Variants in FER1L6 observed in about 807,000 individuals in gnomAD.
FER1L6 encodes fer-1 like family member 6.
Under a neutral mutation model 219.2 loss-of-function variants are expected in FER1L6, and 177 were observed. The ratio of observed to expected loss-of-function variants is 0.81; its 90% CI spans 0.71 to 0.91. The LOEUF is 0.91. Among genes scored for constraint, FER1L6 ranks in the 40% least tolerant of loss-of-function variants. FER1L6 has a pLI of 0.00. For synonymous variants in FER1L6, 768 were observed against 824.3 expected, an observed-to-expected ratio of 0.93 and a Z score of 1.17; for missense variants, 2,153 against 2,259.9, an observed-to-expected ratio of 0.95 and a Z score of 0.96.
At chr8:123,955,194 G>A (rs192632422) in intron 1 of FER1L6, among the ~76,000 whole-genome samples, 21 of 152,236 alleles carry the variant, frequency 1.4e-4, no homozygotes, top group East Asian at 7.7e-4. Flanking sequence ...GCTTGAACCC[G>A]GGAGGTGGAG....
chr8:124,099,996 A>C (rs1432068483), intron 37 of FER1L6, among the ~76,000 whole-genome samples: 2 of 151,212 alleles, frequency 1.3e-5, no homozygotes, highest in Admixed American at 6.6e-5. Flanking sequence ...GCTCCCTAAC[A>C]CTCCCCTGGC....
In FER1L6 at chr8:124,060,265, C is replaced by A. The variant is rs765039191; in HGVS notation, c.2960C>A (p.Pro987Gln). 6.2e-7 allele frequency: 1 copy of A among 1,614,124 alleles called. No individual in the cohort carries two copies. Among genetic ancestry groups the A allele is most frequent in the Non-Finnish European group, 8.5e-7 (1 of 1,180,016 alleles). ...QIYPVPANIR[P>Q]VLSKYRVEVL... ...TACCCGGTTCCTGCCAACATTCGGC[C>A]GGTGCTGAGCAAATACCGAGTGGAG... The change falls in exon 23 of 41, where the codon CCG (proline) becomes CAG (glutamine). Residue 987 changes from proline (P) to glutamine (Q), a missense_variant. By Grantham distance (76) the Pro-to-Gln change is moderately conservative (BLOSUM62 -1). Transcript: ENST00000522917.
intron 1 of FER1L6, among the ~76,000 whole-genome samples, chr8:123,856,316 G>GTGTATGTATATA (rs71576706): frequency 2.2e-5 from 1 of 45,112 alleles, no homozygotes; most frequent in African/African-American, 8.7e-5. Flanking sequence ...ATATGTATGT[G>GTGTATGTATATA]TATATATATA....
intron 32 of FER1L6, among the ~76,000 whole-genome samples, chr8:124,080,793 C>A (rs141850129): frequency 4.1e-4 from 63 of 152,266 alleles, no homozygotes; most frequent in African/African-American, 1.4e-3. Context: ...CTCAGGGGCA[C>A]ATGGCTGGAG....
At chr8:124,080,029 ATC>A (rs1195275708) in intron 32 of FER1L6, among the ~76,000 whole-genome samples, 2 of 152,174 alleles carry the variant, frequency 1.3e-5, no homozygotes, top group Non-Finnish European at 2.9e-5. Context: ...TGTTTTACTT[ATC>A]TCTTAAAAAT....
chr8:124,059,774 C>A (rs569675387), intron 22 of FER1L6, among the ~76,000 whole-genome samples: 1 of 152,292 alleles, frequency 6.6e-6, no homozygotes, highest in African/African-American at 2.4e-5. Flanking sequence ...TTCTGGAGAT[C>A]TTGACAAGTC....
chr8:123,953,672 C>T (rs1238581693), intron 1 of FER1L6, among the ~76,000 whole-genome samples: 3 of 152,202 alleles, frequency 2.0e-5, no homozygotes, highest in African/African-American at 7.2e-5. Context: ...TCTCCCTCGG[C>T]AGATACTGTC....
intron 1 of FER1L6, among the ~76,000 whole-genome samples, chr8:123,876,267 T>C (rs1013764517): frequency 6.6e-6 from 1 of 152,192 alleles, no homozygotes; most frequent in East Asian, 1.9e-4. Context: ...ATTTTCATCC[T>C]TTCCTGGATA....
intron 24 of FER1L6, 44 bp downstream of exon 24, chr8:124,060,753 T>C (rs1260813526): frequency 3.1e-6 from 5 of 1,593,048 alleles, no homozygotes; most frequent in Non-Finnish European, 4.3e-6. Flanking sequence ...TCCTCTTTTT[T>C]GCACAGATGA....
intron 1 of FER1L6, among the ~76,000 whole-genome samples, chr8:123,940,766 A>G (rs1200904748): frequency 6.6e-6 from 1 of 151,916 alleles, no homozygotes; most frequent in Non-Finnish European, 1.5e-5. Context: ...ATCACCCCCT[A>G]CTCCTGAAGC....
chr8:123,995,793 G>C (rs1196775932), intron 12 of FER1L6, among the ~76,000 whole-genome samples: 1 of 151,882 alleles, frequency 6.6e-6, no homozygotes, highest in African/African-American at 2.4e-5. Context: ...TTTTGATGTA[G>C]GTGCTTATTG....
intron 1 of FER1L6, among the ~76,000 whole-genome samples, chr8:123,859,984 AT>A (rs1309560397): frequency 7.0e-5 from 6 of 86,310 alleles, no homozygotes; most frequent in African/African-American, 2.0e-4. Flanking sequence ...TATTATTATT[AT>A]TTTTTTAATT....
intron 1 of FER1L6, among the ~76,000 whole-genome samples, chr8:123,899,948 CT>C (rs1240773308): frequency 6.6e-6 from 1 of 151,974 alleles, no homozygotes; most frequent in Non-Finnish European, 1.5e-5. Context: ...CAGATTTGTT[CT>C]TTTTGTTTAG....
rs764321923 is a variant in FER1L6 at position 124,045,899 on chromosome 8, G to A, written c.2722G>A (p.Val908Met). The A allele has an allele frequency of 1.9e-6, 3 of 1,613,762 alleles. No individual in the cohort carries two copies. In the African/African-American group the frequency reaches 4.0e-5, roughly 22 times the overall value. The change falls in exon 21 of 41, where the codon GTG becomes ATG. Residue 908 changes from valine (V) to methionine (M), a missense_variant and splice_region_variant. Transcript: ENST00000522917. ...GGTGGAGCTGTATGACAGCGACGCT[G>A]TGGTGAGTGTCCCCCTGGGCCAGTG... is the stretch of plus-strand genomic sequence containing the variant. ...VVVELYDSDA[V>M]GKPEYLGATV...
intron 1 of FER1L6, among the ~76,000 whole-genome samples, chr8:123,856,335 T>TAC (rs1404372513): frequency 7.6e-6 from 1 of 131,136 alleles, no homozygotes. Context: ...TATATATATA[T>TAC]ATATATATAT....
Position 123,852,298 on chromosome 8 carries a change from A to G in FER1L6, c.-8+113A>G, listed in dbSNP as rs1406026348. 6.6e-6 allele frequency: 1 copy of G among 152,262 alleles called. No homozygotes were observed. Among genetic ancestry groups the G allele is most frequent in the Non-Finnish European group, 1.5e-5 (1 of 68,114 alleles). 9.4% of individuals were successfully genotyped at this position (152,262 alleles called of 1,614,324 possible). ...ACAAAATGCTTCCCCTCCCTTCCAC[A>G]ATGGAAGCAGTCCAATGTAATCAAC... On this transcript the variant is annotated intron_variant, in intron 1 of 40. Coordinates refer to ENST00000522917, the MANE Select transcript of FER1L6 (RefSeq NM_001039112.2). This position sits in a 1 kb window ranked among gnomAD's most constrained non-coding sequence, Gnocchi z 4.9.
At chr8:123,855,495 A>G (rs1047418120) in intron 1 of FER1L6, among the ~76,000 whole-genome samples, 2 of 150,784 alleles carry the variant, frequency 1.3e-5, no homozygotes, top group Non-Finnish European at 2.9e-5. Flanking sequence ...GTTCTCATCC[A>G]GGGCATTAGT....
At chr8:124,059,415 G>C (rs969585533) in intron 22 of FER1L6, among the ~76,000 whole-genome samples, 1 of 152,098 alleles carries the variant, frequency 6.6e-6, no homozygotes, top group African/African-American at 2.4e-5. Context: ...AGCTGGGACA[G>C]GGTCAGAAAA....
chr8:123,992,627 T>TA (rs1250987203), intron 12 of FER1L6, among the ~76,000 whole-genome samples: 2 of 152,220 alleles, frequency 1.3e-5, no homozygotes, highest in Non-Finnish European at 2.9e-5. Context: ...GATAATGGTC[T>TA]ATTGATTTTG....
Sources: gnomAD v4.1 joint callset for allele counts (sites outside exome capture counted in the v4.1 genomes callset) on GRCh38, gnomAD v4.1.1 for gene constraint, Gnocchi (gnomAD v3.1) non-coding constraint, MANE v1.5 for transcripts, NCBI Gene and HGNC (gene_info 2026-07-23, HGNC 2026-07-21) for gene names.